Variants in TMLHE observed in about 807,000 individuals in gnomAD.
TMLHE encodes trimethyllysine dioxygenase, mitochondrial.
In TMLHE, 18 loss-of-function variants were observed where a neutral mutation model predicts 25.7. The observed-to-expected ratio is 0.70, with a 90% CI of 0.48 to 1.04. The LOEUF is 1.04. Ranked by LOEUF, TMLHE falls within the 50% of genes least tolerant of loss-of-function variation. The pLI is 0.00. For missense variants in TMLHE, 236 were observed against 259.0 expected (o/e 0.91, Z 0.61); for synonymous variants, 105 against 97.0 (o/e 1.08, Z -0.49).
At chrX:155,548,522 TCAGCAGTATGAGGC>T (rs1440698066) in intron 1 of TMLHE, among the ~76,000 whole-genome samples, 9 of 107,657 alleles carry the variant, frequency 8.4e-5, no homozygotes, top group South Asian at 3.9e-4. Flanking sequence ...GATCACAAGG[TCAGCAGTATGAGGC>T]CAGCCTGACT....
chrX:155,550,024 T>G (rs2067403981), intron 1 of TMLHE, among the ~76,000 whole-genome samples: 1 of 110,557 alleles, frequency 9.0e-6, no homozygotes, highest in Non-Finnish European at 1.9e-5. Flanking sequence ...GGTTTCCAGC[T>G]ACATCCATGT....
intron 5 of TMLHE, among the ~76,000 whole-genome samples, chrX:155,509,158 C>T (rs183971306): frequency 1.0e-3 from 115 of 111,395 alleles, no homozygotes; most frequent in Admixed American, 1.6e-3. Context: ...TTATTGAACA[C>T]TTAGTTTGTG....
intron 1 of TMLHE, among the ~76,000 whole-genome samples, chrX:155,558,128 GAGCTACCTCTC>G (rs2067471009): frequency 9.0e-6 from 1 of 111,628 alleles, no homozygotes; most frequent in Non-Finnish European, 1.9e-5. Context: ...ACCTGGTTCT[GAGCTACCTCTC>G]AGCCTAACTT....
At position 155,570,015 on chromosome X, in the gene TMLHE, G is replaced by A. The variant is rs1336403246; in HGVS notation, c.-1-24738C>T. Among the ~76,000 whole-genome samples the A allele has an allele frequency of 3.6e-5, 2 of 55,360 alleles. 1 individual carries two copies. The highest frequency in any genetic ancestry group is 9.4e-5 in the Non-Finnish European group (2 of 21,340). The allele number at this position is 55,360 out of a possible 115,157, so 48.1% of individuals were successfully genotyped here. On this transcript the variant is annotated intron_variant, in intron 1 of 7. Transcript: ENST00000334398. ...AACTTTAAATGTAAATGGACTAAAT[G>A]CTCCAATTAAAAGACACAGACTGGC...
intron 1 of TMLHE, among the ~76,000 whole-genome samples, chrX:155,598,100 TG>T (rs1437661172): frequency 9.0e-6 from 1 of 111,710 alleles, no homozygotes; most frequent in African/African-American, 3.3e-5. Context: ...ATAGGAATAT[TG>T]GAAAAGTCCA....
intron 1 of TMLHE, among the ~76,000 whole-genome samples, chrX:155,593,662 CAAT>C: frequency 9.0e-6 from 1 of 111,126 alleles, no homozygotes. Context: ...CAGTGAACTA[CAAT>C]AATATATGGA....
At chrX:155,581,523 C>T (rs1387804229) in intron 1 of TMLHE, among the ~76,000 whole-genome samples, 1 of 110,965 alleles carries the variant, frequency 9.0e-6, no homozygotes, top group Non-Finnish European at 1.9e-5. Context: ...TTCCTATACA[C>T]CAATTACAGA....
rs782668259 is a variant in TMLHE at position 155,557,577 on chromosome X, C to A, written c.-1-12300G>T. Among the ~76,000 whole-genome samples, 7 of 111,587 alleles carry A rather than the reference C, an allele frequency of 6.3e-5. No individual in the cohort carries two copies. In the South Asian group the frequency reaches 1.5e-3, roughly 24 times the overall value. On this transcript the variant is annotated intron_variant, in intron 1 of 7. Coordinates refer to ENST00000334398, the MANE Select transcript of TMLHE (RefSeq NM_018196.4). ...TTCTCTCTCCTTTTTTTCTAGGACT[C>A]CTATTGCACATATATCAGATCTTTA... is the stretch of plus-strand genomic sequence containing the variant.
intron 1 of TMLHE, among the ~76,000 whole-genome samples, chrX:155,586,804 A>C (rs371271656): frequency 5.4e-5 from 6 of 112,105 alleles, no homozygotes; most frequent in African/African-American, 1.3e-4. Context: ...CAATGTGTCA[A>C]AGTTGAGTCA....
In TMLHE at chrX:155,575,489, C is replaced by G. The variant is rs151048673; in HGVS notation, c.-1-30212G>C. Reference sequence around the variant, plus strand: ...CCCAAACTTGATGAAAAATATTAATCTACACATCCAAGGATCTCAACGCCA... The same window carrying G: ...CCCAAACTTGATGAAAAATATTAATGTACACATCCAAGGATCTCAACGCCA... On this transcript the variant is annotated intron_variant, in intron 1 of 7. Coordinates refer to ENST00000334398, the MANE Select transcript of TMLHE (RefSeq NM_018196.4). Among the ~76,000 whole-genome samples the G allele has an allele frequency of 9.6e-3, 1,076 of 111,758 alleles. 6 individuals carry two copies. Among genetic ancestry groups the G allele is most frequent in the Non-Finnish European group, 0.014 (759 of 53,102 alleles).
intron 2 of TMLHE, among the ~76,000 whole-genome samples, chrX:155,528,278 C>T (rs1214036721): frequency 1.9e-5 from 2 of 105,243 alleles, no homozygotes; most frequent in East Asian, 5.9e-4. Flanking sequence ...AGATATTCAC[C>T]TCTCAGTATT....
At chrX:155,547,762 A>C (rs1289676389) in intron 1 of TMLHE, among the ~76,000 whole-genome samples, 2 of 110,707 alleles carry the variant, frequency 1.8e-5, no homozygotes, top group African/African-American at 6.6e-5. Flanking sequence ...GAAATAATCC[A>C]CACAACCCTG....
At chrX:155,547,624 C>G (rs1205229901) in intron 1 of TMLHE, among the ~76,000 whole-genome samples, 1 of 110,059 alleles carries the variant, frequency 9.1e-6, no homozygotes, top group Non-Finnish European at 1.9e-5. Flanking sequence ...AGAAGTTAAC[C>G]ATGCCTGAGG....
chrX:155,586,761 C>T (rs1197889413), intron 1 of TMLHE, among the ~76,000 whole-genome samples: 1 of 111,279 alleles, frequency 9.0e-6, no homozygotes, highest in African/African-American at 3.3e-5. Flanking sequence ...AAGTGGAAAA[C>T]CTACGGGAAA....
At chrX:155,529,547 G>T (rs73577035) in intron 2 of TMLHE, among the ~76,000 whole-genome samples, 1 of 111,161 alleles carries the variant, frequency 9.0e-6, no homozygotes, top group Non-Finnish European at 1.9e-5. Flanking sequence ...TATTCTAATG[G>T]GTGTCAGGTG....
chrX:155,598,782 T>C (rs2067739093), intron 1 of TMLHE, among the ~76,000 whole-genome samples: 1 of 111,630 alleles, frequency 9.0e-6, no homozygotes, highest in Non-Finnish European at 1.9e-5. Flanking sequence ...TTTACTTCTT[T>C]TACAATATGG....
chrX:155,549,796 T>C (rs934854716), intron 1 of TMLHE, among the ~76,000 whole-genome samples: 8 of 109,832 alleles, frequency 7.3e-5, no homozygotes, highest in African/African-American at 2.7e-4. Context: ...GTTACATAGG[T>C]ATACAAACCA....
intron 2 of TMLHE, among the ~76,000 whole-genome samples, chrX:155,542,142 T>C (rs2067316662): frequency 9.0e-6 from 1 of 111,424 alleles, no homozygotes; most frequent in African/African-American, 3.3e-5. Flanking sequence ...TGAATGGTAT[T>C]GCCTAGGTTT....
At chrX:155,599,255 T>C (rs2067742533) in intron 1 of TMLHE, among the ~76,000 whole-genome samples, 1 of 111,161 alleles carries the variant, frequency 9.0e-6, no homozygotes. Context: ...TTATACAAAC[T>C]CTTCCTGAGA....
Sources: gnomAD v4.1 joint callset for allele counts (sites outside exome capture counted in the v4.1 genomes callset) on GRCh38, gnomAD v4.1.1 for gene constraint, MANE v1.5 for transcripts, NCBI Gene and HGNC (gene_info 2026-07-23, HGNC 2026-07-21) for gene names.